Variants in WWOX observed in about 807,000 individuals in gnomAD.
WWOX encodes the protein WW domain containing oxidoreductase, also known as WW domain-containing oxidoreductase.
In WWOX, 69 loss-of-function variants were observed where a neutral mutation model predicts 46.2. That is an observed-to-expected ratio of 1.49 (90% CI 1.23 to 1.82). WWOX has a LOEUF of 1.82. Among genes scored for constraint, WWOX ranks in the 40% most tolerant of loss-of-function variants. WWOX has a pLI of 0.00. For missense variants in WWOX, 919 were observed against 542.6 expected (o/e 1.69, Z -6.89); for synonymous variants, 359 against 202.6 (o/e 1.77, Z -6.56).
chr16:78,680,535 A>G (rs1049169709), intron 8 of WWOX, among the ~76,000 whole-genome samples: 2 of 152,292 alleles, frequency 1.3e-5, no homozygotes, highest in East Asian at 1.9e-4. Context: ...AAAGAAAACA[A>G]ACAAACAAAA....
chr16:79,038,086 C>T (rs2047902531), intron 8 of WWOX, among the ~76,000 whole-genome samples: 1 of 152,148 alleles, frequency 6.6e-6, no homozygotes, highest in African/African-American at 2.4e-5. Flanking sequence ...ACAATTAATT[C>T]AGATGAGCAG....
intron 5 of WWOX, among the ~76,000 whole-genome samples, chr16:78,248,555 G>A (rs1248958369): frequency 6.6e-6 from 1 of 152,048 alleles, no homozygotes; most frequent in African/African-American, 2.4e-5. Context: ...GCACAATACG[G>A]TGAAAACTCA....
chr16:78,420,005 A>G (rs1327520896), intron 6 of WWOX, among the ~76,000 whole-genome samples: 1 of 152,176 alleles, frequency 6.6e-6, no homozygotes, highest in Non-Finnish European at 1.5e-5. Context: ...ATGATACACA[A>G]ATTGCCAATG....
At chr16:78,743,736 G>C (rs895907816) in intron 8 of WWOX, among the ~76,000 whole-genome samples, 1 of 152,020 alleles carries the variant, frequency 6.6e-6, no homozygotes, top group Admixed American at 6.6e-5. Context: ...TTCACCCTCT[G>C]ATTGGTTGCT....
intron 5 of WWOX, among the ~76,000 whole-genome samples, chr16:78,234,147 G>A (rs1192847538): frequency 6.6e-6 from 1 of 151,448 alleles, no homozygotes; most frequent in African/African-American, 2.4e-5. Flanking sequence ...CTGGATTTTA[G>A]AATAAATTCA....
At chr16:78,301,503 C>T (rs915229724) in intron 5 of WWOX, among the ~76,000 whole-genome samples, 16 of 152,008 alleles carry the variant, frequency 1.1e-4, no homozygotes, top group African/African-American at 3.4e-4. Flanking sequence ...GACTTCTGGC[C>T]CAGCTAAGAA....
intron 5 of WWOX, among the ~76,000 whole-genome samples, chr16:78,345,838 T>C (rs1343734794): frequency 1.7e-5 from 2 of 118,630 alleles, no homozygotes; most frequent in Non-Finnish European, 4.0e-5. Flanking sequence ...TTTTGCTTAC[T>C]TGCTTGGATT....
At chr16:78,121,566 T>A (rs1338576106) in intron 4 of WWOX, among the ~76,000 whole-genome samples, 1 of 152,212 alleles carries the variant, frequency 6.6e-6, no homozygotes, top group Non-Finnish European at 1.5e-5. Context: ...GGTAATCTCA[T>A]GTAAAATGCT....
intron 8 of WWOX, among the ~76,000 whole-genome samples, chr16:78,605,440 T>A (rs2045732908): frequency 6.6e-6 from 1 of 151,918 alleles, no homozygotes; most frequent in Admixed American, 6.6e-5. Flanking sequence ...CTACTCTCAG[T>A]GAAAGAAAGG....
chr16:78,184,147 A>G (rs942163599), intron 5 of WWOX, among the ~76,000 whole-genome samples: 2 of 152,180 alleles, frequency 1.3e-5, no homozygotes, highest in African/African-American at 4.8e-5. Flanking sequence ...AGCCGCAGCC[A>G]CTTAACATGC....
intron 8 of WWOX, among the ~76,000 whole-genome samples, chr16:79,113,332 G>A (rs576745164): frequency 3.3e-4 from 50 of 152,276 alleles, no homozygotes; most frequent in African/African-American, 9.6e-4. Flanking sequence ...TGTGGAACAT[G>A]CCGTCTCTGA....
At chr16:78,849,961 A>C (rs1186437473) in intron 8 of WWOX, among the ~76,000 whole-genome samples, 1 of 152,104 alleles carries the variant, frequency 6.6e-6, no homozygotes, top group East Asian at 1.9e-4. Flanking sequence ...AATCCCAGCT[A>C]CTTGGGAGGC....
intron 8 of WWOX, among the ~76,000 whole-genome samples, chr16:78,587,932 C>T (rs1013092718): frequency 6.6e-6 from 1 of 152,176 alleles, no homozygotes; most frequent in East Asian, 1.9e-4. Flanking sequence ...GCGGGCCTCC[C>T]CATTGGAAAT....
chr16:78,239,074 G>A (rs948932480), intron 5 of WWOX, among the ~76,000 whole-genome samples: 8 of 152,082 alleles, frequency 5.3e-5, no homozygotes, highest in Non-Finnish European at 1.0e-4. Context: ...CGCATCCCCC[G>A]TGGATTCTCA....
rs574433325 is a variant in WWOX, at chr16:78,367,411, C to T, written c.517-19449C>T. On this transcript the variant is annotated intron_variant, in intron 5 of 8. Transcript: ENST00000566780. ...TTAAAACATGATGAGATATTTTTTG[C>T]CATTTTTTTTTCAACTCATCAGCTA... Among the ~76,000 whole-genome samples, 133 of 22,774 alleles carry T rather than the reference C, an allele frequency of 5.8e-3. No homozygotes were observed. In the African/African-American group the frequency reaches 0.064, roughly 11 times the overall value. 14.9% of individuals were successfully genotyped at this position (22,774 alleles called of 152,430 possible).
At chr16:79,042,606 A>T (rs9940793) in intron 8 of WWOX, among the ~76,000 whole-genome samples, 35,858 of 152,220 alleles carry the variant, frequency 0.24, 4,968 homozygotes, top group African/African-American at 0.38. Context: ...GAGCAAATTA[A>T]CTATACATGC....
At chr16:78,449,867 G>A (rs1308837282) in intron 8 of WWOX, among the ~76,000 whole-genome samples, 1 of 151,640 alleles carries the variant, frequency 6.6e-6, no homozygotes, top group African/African-American at 2.4e-5. Context: ...ATTTGGATTT[G>A]AGTTACAAAA....
chr16:78,746,950 A>T (rs1023353349), intron 8 of WWOX, among the ~76,000 whole-genome samples: 1 of 152,068 alleles, frequency 6.6e-6, no homozygotes, highest in Non-Finnish European at 1.5e-5. Context: ...TTCCTATACC[A>T]TTTAGAATAA....
At chr16:78,100,454 A>C (rs971495500) in intron 1 of WWOX, among the ~76,000 whole-genome samples, 4 of 152,166 alleles carry the variant, frequency 2.6e-5, no homozygotes, top group African/African-American at 9.7e-5. Flanking sequence ...GGGTCGCACC[A>C]TGTTGCCCAG....
Sources: gnomAD v4.1 joint callset for allele counts (sites outside exome capture counted in the v4.1 genomes callset) on GRCh38, gnomAD v4.1.1 for gene constraint, MANE v1.5 for transcripts, NCBI Gene and HGNC (gene_info 2026-07-23, HGNC 2026-07-21) for gene names.